LNX1: variants seen among roughly 807,000 people sequenced by gnomAD.
LNX1 encodes the protein E3 ubiquitin-protein ligase LNX.
In LNX1, 54 loss-of-function variants were observed where a neutral mutation model predicts 68.4. That is an observed-to-expected ratio of 0.79 (90% CI 0.63 to 0.99). The LOEUF (loss-of-function observed/expected upper bound fraction) is 0.99. Ranked by LOEUF, LNX1 falls within the 50% of genes least tolerant of loss-of-function variation. LNX1 has a pLI of 0.00. For missense variants in LNX1, 906 were observed against 926.4 expected (o/e 0.98, Z 0.29); for synonymous variants, 336 against 350.0 (o/e 0.96, Z 0.45).
intron 2 of LNX1, chr4:53,558,012 A>G (rs545293150): frequency 1.0e-4 from 164 of 1,610,194 alleles, no homozygotes; most frequent in Admixed American, 4.0e-4. Flanking sequence ...TCTGTCAGCT[A>G]CAAGGGCCCA....
intron 2 of LNX1, among the ~76,000 whole-genome samples, chr4:53,529,821 C>A (rs1311507894): frequency 6.6e-6 from 1 of 152,148 alleles, no homozygotes; most frequent in Non-Finnish European, 1.5e-5. Context: ...AAATGCATGA[C>A]AATCAGAGCC....
rs1730442262 is a variant in LNX1, at chr4:53,563,743, C to A, written c.380+9880G>T. 1.3e-5 allele frequency among the ~76,000 whole-genome samples: 2 copies of A among 152,176 alleles called. 1 individual carries two copies. Among genetic ancestry groups the A allele is most frequent in the South Asian group, 4.1e-4 (2 of 4,826 alleles). ...AGAGACGGGGTTTCACCATTTTGGT[C>A]AGGCTGGTCTTGAACTCCTGACCTC... is the stretch of plus-strand genomic sequence containing the variant. On this transcript the variant is annotated intron_variant, in intron 2 of 10. Transcript: ENST00000263925.
In LNX1 at chr4:53,507,309, T is replaced by C. The variant is rs779247649; in HGVS notation, c.775+8A>G. ...ATGTCCATCCAGCCTTATGGGGAGTTCATTTACCTTCAGGGGCAGTGGTGT... is the reference window on the plus strand; with the variant it reads ...ATGTCCATCCAGCCTTATGGGGAGTCCATTTACCTTCAGGGGCAGTGGTGT... On this transcript the variant is annotated splice_region_variant and intron_variant, in intron 4 of 10. Transcript: ENST00000263925. The C allele has an allele frequency of 6.2e-7, 1 of 1,613,280 alleles. No homozygotes were observed. The highest frequency in any genetic ancestry group is 8.5e-7 in the Non-Finnish European group (1 of 1,179,646).
chr4:53,627,621 T>G (rs931263214), intron 1 of LNX1, among the ~76,000 whole-genome samples: 2 of 152,196 alleles, frequency 1.3e-5, no homozygotes, highest in African/African-American at 4.8e-5. Flanking sequence ...GAAAAATAAT[T>G]TTTAAATAAA....
intron 2 of LNX1, among the ~76,000 whole-genome samples, chr4:53,510,532 G>A (rs760817052): frequency 2.0e-5 from 3 of 152,182 alleles, no homozygotes; most frequent in Admixed American, 6.5e-5. Context: ...TTACTGTACC[G>A]ATTAGCTGCG....
intron 1 of LNX1, among the ~76,000 whole-genome samples, chr4:53,649,024 T>TA (rs1560707334): frequency 3.3e-5 from 5 of 152,088 alleles, no homozygotes; most frequent in African/African-American, 9.7e-5. Flanking sequence ...GCTGAAACGA[T>TA]AAAAAAATTA....
chr4:53,468,802 T>C (rs1722906953), intron 9 of LNX1, among the ~76,000 whole-genome samples: 1 of 152,216 alleles, frequency 6.6e-6, no homozygotes, highest in Non-Finnish European at 1.5e-5. Flanking sequence ...ATCCTAAATA[T>C]ATATGCACCC....
rs75893784 is a variant in LNX1, at chr4:53,647,955, A to T, written c.-215+4213T>A. Among the ~76,000 whole-genome samples, 1,047 of 152,320 alleles carry T rather than the reference A, an allele frequency of 6.9e-3. 12 individuals are homozygous for T. Among genetic ancestry groups the T allele is most frequent in the African/African-American group, 0.024 (999 of 41,560 alleles). ...ATGTGCCGGAATTTCCTTCCTTTTT[A>T]AGGCTGAATTTATCCCATTGTATGT... On this transcript the variant is annotated intron_variant, in intron 1 of 2. Coordinates refer to the LNX1 transcript ENST00000507168.
chr4:53,466,267 G>A (rs1184803172), intron 9 of LNX1, among the ~76,000 whole-genome samples: 2 of 152,116 alleles, frequency 1.3e-5, no homozygotes. Flanking sequence ...TCTATAAATA[G>A]GCTACTTCTC....
chr4:53,513,325 C>T (rs1579445425), intron 2 of LNX1, among the ~76,000 whole-genome samples: 1 of 152,218 alleles, frequency 6.6e-6, no homozygotes, highest in Non-Finnish European at 1.5e-5. Flanking sequence ...AGTTATACCA[C>T]CTCACTTCAC....
intron 6 of LNX1, among the ~76,000 whole-genome samples, chr4:53,486,034 A>G (rs1212839561): frequency 6.6e-6 from 1 of 152,288 alleles, no homozygotes; most frequent in Non-Finnish European, 1.5e-5. Flanking sequence ...ATTAGAAGAC[A>G]TGACTTAAAG....
rs1731338671 is a variant in LNX1, at chr4:53,574,068, A to T, written c.-66T>A. 2 of 1,534,778 alleles carry T rather than the reference A, an allele frequency of 1.3e-6. No homozygotes were observed. The highest frequency in any genetic ancestry group is 1.7e-6 in the Non-Finnish European group (2 of 1,142,858). ...AATATTTCCTCAGGAGCAAGTCAAG[A>T]TCTAGGAGACATCCACACACCTAAA... On this transcript the variant is annotated 5_prime_UTR_variant, in exon 2 of 11. Transcript: ENST00000263925.
intron 2 of LNX1, among the ~76,000 whole-genome samples, chr4:53,531,537 T>A (rs1728023870): frequency 6.6e-6 from 1 of 152,242 alleles, no homozygotes; most frequent in Non-Finnish European, 1.5e-5. Flanking sequence ...TATTTAGTTT[T>A]CAAAATGTTT....
At chr4:53,542,887 T>C (rs1252252813) in intron 2 of LNX1, among the ~76,000 whole-genome samples, 1 of 152,130 alleles carries the variant, frequency 6.6e-6, no homozygotes, top group African/African-American at 2.4e-5. Context: ...CAAGTGGAAG[T>C]AGAGGGAACT....
intron 2 of LNX1, among the ~76,000 whole-genome samples, chr4:53,520,068 G>A (rs1727101693): frequency 2.0e-5 from 3 of 152,176 alleles, no homozygotes; most frequent in African/African-American, 7.2e-5. Flanking sequence ...CCCACGTTTA[G>A]TAGAAACAGA....
chr4:53,462,934 C>G (rs1460687661), intron 9 of LNX1, among the ~76,000 whole-genome samples: 8 of 152,126 alleles, frequency 5.3e-5, no homozygotes, highest in African/African-American at 1.9e-4. Flanking sequence ...GGTTCACTGA[C>G]TCCTCATGTA....
chr4:53,560,989 C>T (rs1166977536), intron 2 of LNX1, among the ~76,000 whole-genome samples: 2 of 152,204 alleles, frequency 1.3e-5, no homozygotes, highest in Non-Finnish European at 2.9e-5. Context: ...CTTTGCCTGG[C>T]TGTCCTGTTT....
At chr4:53,471,505 T>C (rs986622883) in intron 9 of LNX1, among the ~76,000 whole-genome samples, 17 of 152,060 alleles carry the variant, frequency 1.1e-4, no homozygotes, top group Non-Finnish European at 2.1e-4. Flanking sequence ...TCTAATTAAA[T>C]GAAAGAGCTT....
At chr4:53,495,000 G>T (rs1402850191) in intron 6 of LNX1, among the ~76,000 whole-genome samples, 1 of 152,204 alleles carries the variant, frequency 6.6e-6, no homozygotes, top group Non-Finnish European at 1.5e-5. Flanking sequence ...AGGAGGACGT[G>T]GGGCGGGGAG....
Sources: gnomAD v4.1 joint callset for allele counts (sites outside exome capture counted in the v4.1 genomes callset) on GRCh38, gnomAD v4.1.1 for gene constraint, MANE v1.5 for transcripts, NCBI Gene and HGNC (gene_info 2026-07-23, HGNC 2026-07-21) for gene names.